The following LHFPL4 variants were observed in gnomAD, a reference collection of about 807,000 sequenced individuals.
The protein encoded by LHFPL4 is LHFPL tetraspan subfamily member 4 protein.
In LHFPL4, 6 loss-of-function variants were observed where a neutral mutation model predicts 20.0. The ratio of observed to expected loss-of-function variants is 0.30; its 90% CI spans 0.16 to 0.59. The LOEUF is 0.59. Among genes scored for constraint, LHFPL4 ranks in the 20% least tolerant of loss-of-function variants. LHFPL4 has a pLI of 0.88. For missense variants in LHFPL4, 215 were observed against 331.2 expected (o/e 0.65, Z 2.72); for synonymous variants, 129 against 143.8 (o/e 0.90, Z 0.74).
chr3:9,513,699 G>A (rs531682515), intron 2 of LHFPL4, among the ~76,000 whole-genome samples: 30 of 152,266 alleles, frequency 2.0e-4, no homozygotes, highest in African/African-American at 7.0e-4. Context: ...GTCCTAACTG[G>A]CATAATGTTG....
At chr3:9,530,290 T>A (rs980110903) in intron 2 of LHFPL4, among the ~76,000 whole-genome samples, 1 of 152,236 alleles carries the variant, frequency 6.6e-6, no homozygotes, top group Non-Finnish European at 1.5e-5. Context: ...CTACCCATCT[T>A]CATCAATGAC....
chr3:9,503,154 A>G (rs2046190731), intron 3 of LHFPL4, among the ~76,000 whole-genome samples: 1 of 152,176 alleles, frequency 6.6e-6, no homozygotes, highest in Admixed American at 6.5e-5. Flanking sequence ...TTGGGTTAAA[A>G]CTGAAGTGGG....
chr3:9,504,381 GAAAA>G (rs59021970), intron 3 of LHFPL4, among the ~76,000 whole-genome samples: 1 of 139,064 alleles, frequency 7.2e-6, no homozygotes. Flanking sequence ...CTGTCTCAAG[GAAAA>G]AAAAAAAAAA....
At chr3:9,512,147 G>A (rs1000146090) in intron 2 of LHFPL4, among the ~76,000 whole-genome samples, 2 of 152,194 alleles carry the variant, frequency 1.3e-5, no homozygotes, top group Non-Finnish European at 2.9e-5. Context: ...TAGCCAGGAT[G>A]GTCTCGATCT....
Position 9,510,361 on chromosome 3 carries a change from C to T in LHFPL4, c.407-4158G>A, listed in dbSNP as rs1056355803. On this transcript the variant is annotated intron_variant, in intron 2 of 3. Transcript: ENST00000287585. ...GCTGAGGTGGGAGGATCGCTTGAGCCGGAAGATCAAGGCTGCTGTGAGCCA... is the reference window on the plus strand; with the variant it reads ...GCTGAGGTGGGAGGATCGCTTGAGCTGGAAGATCAAGGCTGCTGTGAGCCA... Among the ~76,000 whole-genome samples, 26 of 149,896 alleles carry T rather than the reference C, an allele frequency of 1.7e-4. 1 individual carries two copies. The highest frequency in any genetic ancestry group is 1.3e-3 in the Admixed American group (19 of 14,906).
intron 2 of LHFPL4, among the ~76,000 whole-genome samples, chr3:9,514,507 T>C (rs767413170): frequency 1.3e-5 from 2 of 152,212 alleles, no homozygotes; most frequent in Non-Finnish European, 2.9e-5. Context: ...ATTGACACAT[T>C]ATCACCCAAA....
At chr3:9,523,631 C>T (rs1317372693) in intron 2 of LHFPL4, among the ~76,000 whole-genome samples, 5 of 151,830 alleles carry the variant, frequency 3.3e-5, no homozygotes, top group Admixed American at 3.3e-4. Flanking sequence ...TGCCACCATG[C>T]CCAGCTAATT....
At position 9,506,279 on chromosome 3, in the gene LHFPL4, G is replaced by A. The variant is rs2046217649; in HGVS notation, c.407-76C>T. On this transcript the variant is annotated intron_variant, in intron 2 of 3. Transcript: ENST00000287585. This position sits in a 1 kb window ranked among gnomAD's most constrained non-coding sequence, Gnocchi z 4.5. ...AGACCATTACTCGCTAGTGTCCGCA[G>A]TCTGGGCCCCACCCTATTGAGGGCA... 3.4e-6 allele frequency: 4 copies of A among 1,171,368 alleles called. No homozygotes were observed. The highest frequency in any genetic ancestry group is 5.1e-6 in the Non-Finnish European group (4 of 789,754). 72.6% of individuals were successfully genotyped at this position (1,171,368 alleles called of 1,614,324 possible). A position where few individuals can be genotyped will look rare whatever the true frequency, so the allele number is the denominator to read the frequency against.
At chr3:9,503,797 G>A (rs780841589) in intron 3 of LHFPL4, among the ~76,000 whole-genome samples, 15 of 152,258 alleles carry the variant, frequency 9.9e-5, no homozygotes, top group Admixed American at 5.2e-4. Flanking sequence ...AGGCCAAGGC[G>A]GAAGGATTGC....
intron 2 of LHFPL4, among the ~76,000 whole-genome samples, chr3:9,519,447 G>T (rs2046324293): frequency 6.6e-6 from 1 of 152,060 alleles, no homozygotes. Context: ...GAGGACTATT[G>T]ATTTTGTTGA....
intron 2 of LHFPL4, among the ~76,000 whole-genome samples, chr3:9,522,328 G>C (rs2046342965): frequency 6.6e-6 from 1 of 152,034 alleles, no homozygotes; most frequent in African/African-American, 2.4e-5. Context: ...TCCTATGTAT[G>C]ACTGTTGTCA....
At chr3:9,540,951 T>C (rs1241531210) in intron 2 of LHFPL4, among the ~76,000 whole-genome samples, 6 of 151,694 alleles carry the variant, frequency 4.0e-5, no homozygotes, top group African/African-American at 1.5e-4. Flanking sequence ...AAATAATTTT[T>C]TTTTTTGAGA....
At chr3:9,544,294 A>T (rs1389755927) in intron 2 of LHFPL4, among the ~76,000 whole-genome samples, 7 of 103,180 alleles carry the variant, frequency 6.8e-5, no homozygotes, top group East Asian at 1.1e-3. Flanking sequence ...ATAAAAATTA[A>T]AAAAAAAAAA....
chr3:9,551,714 T>A (rs534983871), intron 2 of LHFPL4, among the ~76,000 whole-genome samples: 32 of 152,204 alleles, frequency 2.1e-4, no homozygotes, highest in African/African-American at 7.7e-4. Context: ...ATAAGCACAA[T>A]AGACAGCCTC....
At chr3:9,540,003 G>T (rs901658903) in intron 2 of LHFPL4, among the ~76,000 whole-genome samples, 14 of 152,166 alleles carry the variant, frequency 9.2e-5, no homozygotes, top group Admixed American at 8.5e-4. Flanking sequence ...TCGCTGGTGG[G>T]AGTGTAACTT....
In LHFPL4 at chr3:9,499,410, T is replaced by A. The variant is rs2046154845; in HGVS notation, c.*2801A>T. ...CTTCTACCCCTTGCCTGTGTCACCC[T>A]GGGGTTCCCGCAGACTTCAGCCCAC... is the stretch of plus-strand genomic sequence containing the variant. On this transcript the variant is annotated 3_prime_UTR_variant, in exon 4 of 4. Coordinates refer to ENST00000287585, the MANE Select transcript of LHFPL4 (RefSeq NM_198560.3). The A allele has an allele frequency of 6.5e-6, 1 of 152,904 alleles. No individual in the cohort carries two copies. The highest frequency in any genetic ancestry group is 6.5e-5 in the Admixed American group (1 of 15,286). The allele number at this position is 152,904 out of a possible 1,614,324, so 9.5% of individuals were successfully genotyped here. A position where few individuals can be genotyped will look rare whatever the true frequency, so the allele number is the denominator to read the frequency against.
Position 9,553,760 on chromosome 3 carries a change from T to C in LHFPL4, c.-244A>G, listed in dbSNP as rs2046574045. The C allele has an allele frequency of 6.6e-6, 1 of 150,682 alleles. No individual in the cohort carries two copies. The highest frequency in any genetic ancestry group is 1.5e-5 in the Non-Finnish European group (1 of 67,486). The allele number at this position is 150,682 out of a possible 1,614,324, so 9.3% of individuals were successfully genotyped here. On this transcript the variant is annotated 5_prime_UTR_variant, in exon 1 of 4. Coordinates refer to ENST00000287585, the MANE Select transcript of LHFPL4 (RefSeq NM_198560.3). ...GCGGCTCGGCGCTCCCAGCAGCGGC[T>C]GCCTCGGCCCAGGCGGCGGCCTCTG...
chr3:9,509,521 T>G, intron 2 of LHFPL4, among the ~76,000 whole-genome samples: 1 of 152,154 alleles, frequency 6.6e-6, no homozygotes, highest in East Asian at 1.9e-4. Flanking sequence ...GTGTCTGTCT[T>G]CAGGGCAGAG....
At chr3:9,505,815 TC>T in intron 3 of LHFPL4, 151 bp downstream of exon 3, 1 of 743,230 alleles carries the variant, frequency 1.3e-6, no homozygotes, top group Non-Finnish European at 2.3e-6. Context: ...TGCCTTGGCT[TC>T]CCAAAGTGCT....
Sources: allele counts gnomAD v4.1 joint callset (sites outside exome capture counted in the v4.1 genomes callset), GRCh38; gene constraint gnomAD v4.1.1; non-coding constraint Gnocchi (gnomAD v3.1); transcripts MANE v1.5; gene names NCBI Gene and HGNC (gene_info 2026-07-23, HGNC 2026-07-21).